The following BCAR3 variants were observed in gnomAD, a reference collection of about 807,000 sequenced individuals.
BCAR3 encodes breast cancer anti-estrogen resistance protein 3.
BCAR3 carries 37 observed loss-of-function variants against 80.1 expected under a neutral mutation model. That is an observed-to-expected ratio of 0.46 (90% CI 0.36 to 0.61). BCAR3 has a LOEUF of 0.61. Ranked by LOEUF, BCAR3 falls within the 20% of genes least tolerant of loss-of-function variation. The pLI is 0.00. For synonymous variants in BCAR3, 389 were observed against 418.9 expected, an observed-to-expected ratio of 0.93 and a Z score of 0.87; for missense variants, 978 against 1,068.2, an observed-to-expected ratio of 0.92 and a Z score of 1.18.
At chr1:93,674,966 G>A (rs1322577145) in intron 1 of BCAR3, 25 bp from the exon 2 acceptor site, 4 of 1,490,642 alleles carry the variant, frequency 2.7e-6, no homozygotes, top group East Asian at 2.4e-5. Flanking sequence ...AAAGAGTGAA[G>A]GTATAAATCT....
intron 2 of BCAR3, among the ~76,000 whole-genome samples, chr1:93,829,129 G>A (rs1571155693): frequency 6.6e-6 from 1 of 152,284 alleles, no homozygotes; most frequent in East Asian, 1.9e-4. Context: ...GGTCTGCAGT[G>A]GAACGCAATT....
Position 93,562,144 on chromosome 1 carries a change from G to T in BCAR3, c.*97C>A. The T allele has an allele frequency of 1.5e-6, 2 of 1,320,388 alleles. No homozygotes were observed. Among genetic ancestry groups the T allele is most frequent in the Non-Finnish European group, 1.0e-6 (1 of 961,144 alleles). The allele number at this position is 1,320,388 out of a possible 1,614,324, so 81.8% of individuals were successfully genotyped here. ...GATACTAAAAGCTTGTATATTGTCA[G>T]ATTTGCACATTATTACTTTATCAAA... On this transcript the variant is annotated 3_prime_UTR_variant, in exon 12 of 12. Coordinates refer to ENST00000260502, the MANE Select transcript of BCAR3 (RefSeq NM_003567.4).
chr1:93,793,342 G>T (rs1395943072), intron 2 of BCAR3, among the ~76,000 whole-genome samples: 2 of 55,854 alleles, frequency 3.6e-5, no homozygotes. Flanking sequence ...GCCGGTTATT[G>T]GTCTATTCAG....
intron 5 of BCAR3, among the ~76,000 whole-genome samples, chr1:93,584,573 A>G (rs1013106241): frequency 2.0e-5 from 3 of 152,230 alleles, no homozygotes. Context: ...AGCTGTGGGG[A>G]AACTTCCATT....
At chr1:93,776,311 T>G (rs1430303181) in intron 2 of BCAR3, among the ~76,000 whole-genome samples, 1 of 152,190 alleles carries the variant, frequency 6.6e-6, no homozygotes, top group Non-Finnish European at 1.5e-5. Flanking sequence ...CCAAGTTTCA[T>G]TAATTAACTT....
intron 11 of BCAR3, among the ~76,000 whole-genome samples, chr1:93,565,870 A>C (rs1001638879): frequency 2.6e-5 from 4 of 152,220 alleles, no homozygotes; most frequent in Non-Finnish European, 5.9e-5. Flanking sequence ...AACTTTGTGA[A>C]TCAAACTGTG....
chr1:93,845,230 C>T (rs1655106932), intron 2 of BCAR3, among the ~76,000 whole-genome samples: 1 of 151,926 alleles, frequency 6.6e-6, no homozygotes, highest in South Asian at 2.1e-4. Flanking sequence ...TATGGTTTTC[C>T]CACAGGCATA....
At chr1:93,609,261 C>G (rs1674876594) in intron 3 of BCAR3, among the ~76,000 whole-genome samples, 1 of 152,170 alleles carries the variant, frequency 6.6e-6, no homozygotes. Flanking sequence ...GCTGCAAAGA[C>G]AGTCGAATAT....
intron 2 of BCAR3, among the ~76,000 whole-genome samples, chr1:93,721,300 C>A (rs1650393553): frequency 6.6e-6 from 1 of 152,106 alleles, no homozygotes; most frequent in Non-Finnish European, 1.5e-5. Flanking sequence ...AGAACAACAT[C>A]TTGAGCCTGG....
intron 2 of BCAR3, among the ~76,000 whole-genome samples, chr1:93,642,563 A>G (rs534445542): frequency 1.3e-5 from 2 of 152,216 alleles, no homozygotes; most frequent in Non-Finnish European, 2.9e-5. Context: ...TTCAGGCCCC[A>G]GAATGTTAGA....
intron 1 of BCAR3, among the ~76,000 whole-genome samples, chr1:93,679,401 T>A (rs566893414): frequency 6.6e-6 from 1 of 151,950 alleles, no homozygotes; most frequent in Non-Finnish European, 1.5e-5. Context: ...CCTAGAACAA[T>A]AGATGCAAAG....
At chr1:93,639,976 A>G (rs1344912873) in intron 3 of BCAR3, among the ~76,000 whole-genome samples, 1 of 152,138 alleles carries the variant, frequency 6.6e-6, no homozygotes, top group African/African-American at 2.4e-5. Context: ...TTTTCGGCCA[A>G]TGAATCTGAA....
chr1:93,769,514 T>C (rs1189153408), intron 2 of BCAR3, among the ~76,000 whole-genome samples: 3 of 151,268 alleles, frequency 2.0e-5, no homozygotes, highest in South Asian at 4.2e-4. Flanking sequence ...GACAGAACAA[T>C]AGGCAAAGGA....
intron 2 of BCAR3, among the ~76,000 whole-genome samples, chr1:93,659,377 G>C (rs1280212852): frequency 1.3e-5 from 2 of 151,450 alleles, no homozygotes; most frequent in Non-Finnish European, 2.9e-5. Flanking sequence ...TTTTTTTGTA[G>C]AGATGGGGTC....
intron 11 of BCAR3, among the ~76,000 whole-genome samples, chr1:93,566,908 A>G (rs1401362445): frequency 6.6e-6 from 1 of 152,010 alleles, no homozygotes; most frequent in African/African-American, 2.4e-5. Context: ...TTGTATTTCT[A>G]TTAGAGACAG....
chr1:93,747,926 C>CCTAT (rs10658154), intron 2 of BCAR3, among the ~76,000 whole-genome samples: 147,006 of 150,980 alleles, frequency 0.97, 71,641 homozygotes, highest in East Asian at 1. Context: ...TCCAACATTA[C>CCTAT]CTGCCAGCAG....
chr1:93,616,779 G>C (rs1675141925), intron 3 of BCAR3, among the ~76,000 whole-genome samples: 1 of 152,146 alleles, frequency 6.6e-6, no homozygotes, highest in Non-Finnish European at 1.5e-5. Flanking sequence ...GCATTTCTAA[G>C]GAACTCCCAG....
rs1181786051 is a variant in BCAR3 at position 93,586,012 on chromosome 1, G to C, written c.930-1891C>G. Reference sequence around the variant, plus strand: ...CAATGTGAAATAAGTGTATCATGGAGAATGGGGTATCCATGCCCTCTAGCA... The same window carrying C: ...CAATGTGAAATAAGTGTATCATGGACAATGGGGTATCCATGCCCTCTAGCA... On this transcript the variant is annotated intron_variant, in intron 5 of 11. Transcript: ENST00000260502. The surrounding 1 kb of genome is among the most constrained non-coding windows in gnomAD (Gnocchi z 4.2). Among the ~76,000 whole-genome samples the C allele has an allele frequency of 1.3e-5, 2 of 152,206 alleles. No homozygotes were observed. The highest frequency in any genetic ancestry group is 4.8e-5 in the African/African-American group (2 of 41,442).
chr1:93,756,893 C>T (rs1245790448), intron 2 of BCAR3, among the ~76,000 whole-genome samples: 1 of 152,168 alleles, frequency 6.6e-6, no homozygotes, highest in East Asian at 1.9e-4. Flanking sequence ...AATGGTTATC[C>T]CCAAATGTGG....
Sources: allele counts gnomAD v4.1 joint callset (sites outside exome capture counted in the v4.1 genomes callset), GRCh38; gene constraint gnomAD v4.1.1; non-coding constraint Gnocchi (gnomAD v3.1); transcripts MANE v1.5; gene names NCBI Gene and HGNC (gene_info 2026-07-23, HGNC 2026-07-21).